The following PKHD1 variants were observed in gnomAD, a reference collection of about 807,000 sequenced individuals.
PKHD1 encodes the protein PKHD1 ciliary IPT domain containing fibrocystin/polyductin.
In PKHD1, 291 loss-of-function variants were observed where a neutral mutation model predicts 412.0. The observed-to-expected ratio is 0.71, with a 90% confidence interval of 0.64 to 0.78. PKHD1 has a LOEUF of 0.78. Ranked by LOEUF, PKHD1 falls within the 30% of genes least tolerant of loss-of-function variation. The probability of loss-of-function intolerance (pLI) is 0.00; values close to 1 mark genes in which losing one functional copy is unlikely to be tolerated. For missense variants in PKHD1, 4,825 were observed against 4,950.7 expected, an observed-to-expected ratio of 0.97 and a Z score of 0.76; for synonymous variants, 1,777 against 1,821.5, an observed-to-expected ratio of 0.98 and a Z score of 0.62.
intron 55 of PKHD1, among the ~76,000 whole-genome samples, chr6:51,771,901 C>T (rs1790206967): frequency 6.6e-6 from 1 of 152,046 alleles, no homozygotes; most frequent in African/African-American, 2.4e-5. Context: ...GAGGTGAATG[C>T]TAAGGCTAGA....
intron 35 of PKHD1, among the ~76,000 whole-genome samples, chr6:51,982,139 A>G (rs1410199443): frequency 9.8e-5 from 5 of 50,772 alleles, no homozygotes; most frequent in South Asian, 7.4e-4. Context: ...CCGTCTGGGA[A>G]GTGAGGAGCG....
intron 55 of PKHD1, among the ~76,000 whole-genome samples, chr6:51,755,264 G>A (rs1211160373): frequency 6.6e-6 from 1 of 152,110 alleles, no homozygotes; most frequent in Admixed American, 6.5e-5. Context: ...TCTGGATTAG[G>A]GAACAGATTC....
At chr6:51,832,979 A>G (rs1243008466) in intron 51 of PKHD1, among the ~76,000 whole-genome samples, 1 of 152,188 alleles carries the variant, frequency 6.6e-6, no homozygotes, top group Admixed American at 6.6e-5. Context: ...AATATTTCAT[A>G]AACTCCAATA....
chr6:51,727,564 A>G (rs1436329373), intron 60 of PKHD1, among the ~76,000 whole-genome samples: 6 of 152,120 alleles, frequency 3.9e-5, no homozygotes, highest in Non-Finnish European at 8.8e-5. Context: ...ACCCCTTCTC[A>G]TGATTCTTCC....
At position 51,942,098 on chromosome 6, in the gene PKHD1, T is replaced by C. The variant is rs149509569; in HGVS notation, c.5909-7776A>G. Reference sequence around the variant, plus strand: ...TTTTGCCATCCTAACAAAGCCATTATATAAGCTCACAAAAGGAAACCTAGC... The same window carrying C: ...TTTTGCCATCCTAACAAAGCCATTACATAAGCTCACAAAAGGAAACCTAGC... On this transcript the variant is annotated intron_variant, in intron 36 of 66. Coordinates refer to ENST00000371117, the MANE Select transcript of PKHD1 (RefSeq NM_138694.4). Among the ~76,000 whole-genome samples, 32 of 151,826 alleles carry C rather than the reference T, an allele frequency of 2.1e-4. 1 individual carries two copies. Among genetic ancestry groups the C allele is most frequent in the Admixed American group, 8.5e-4 (13 of 15,226 alleles).
intron 27 of PKHD1, among the ~76,000 whole-genome samples, chr6:52,039,653 G>A (rs2128176031): frequency 6.6e-6 from 1 of 152,306 alleles, no homozygotes; most frequent in Non-Finnish European, 1.5e-5. Context: ...TATATTGCTA[G>A]TAGGAATGTA....
chr6:51,913,796 T>C (rs1215777549), intron 37 of PKHD1, among the ~76,000 whole-genome samples: 1 of 152,130 alleles, frequency 6.6e-6, no homozygotes, highest in African/African-American at 2.4e-5. Context: ...GTCTCTGGGT[T>C]AATATTGTAA....
intron 60 of PKHD1, among the ~76,000 whole-genome samples, chr6:51,736,095 A>C (rs1198946763): frequency 6.6e-6 from 1 of 152,180 alleles, no homozygotes; most frequent in Non-Finnish European, 1.5e-5. Context: ...GCATTAAATG[A>C]GGTAACTCAT....
chr6:51,648,703 G>T (rs2784233), intron 62 of PKHD1, among the ~76,000 whole-genome samples: 1 of 152,178 alleles, frequency 6.6e-6, no homozygotes, highest in Non-Finnish European at 1.5e-5. Flanking sequence ...TTTAAAAAAC[G>T]TAAAACTGTA....
intron 29 of PKHD1, among the ~76,000 whole-genome samples, 165 bp from the exon 30 acceptor site, chr6:52,028,516 ACTAT>A (rs1014055167): frequency 4.5e-5 from 6 of 134,660 alleles, no homozygotes; most frequent in Non-Finnish European, 8.2e-5. Flanking sequence ...ACTTCTAACA[ACTAT>A]TTTTTTTTTT....
intron 46 of PKHD1, among the ~76,000 whole-genome samples, chr6:51,874,483 C>A (rs1438552770): frequency 1.3e-5 from 2 of 152,098 alleles, no homozygotes; most frequent in Admixed American, 1.3e-4. Flanking sequence ...AACACACGTA[C>A]AGGTATGCTT....
chr6:51,779,879 C>A (rs1562293855), intron 53 of PKHD1, among the ~76,000 whole-genome samples: 1 of 152,016 alleles, frequency 6.6e-6, no homozygotes, highest in East Asian at 1.9e-4. Flanking sequence ...ACTAGACCCA[C>A]AAAGAATGCG....
At chr6:51,925,110 T>C (rs1785318781) in intron 37 of PKHD1, among the ~76,000 whole-genome samples, 1 of 152,100 alleles carries the variant, frequency 6.6e-6, no homozygotes. Flanking sequence ...TCATACTTAC[T>C]CAGAGGAAGA....
intron 66 of PKHD1, among the ~76,000 whole-genome samples, chr6:51,619,964 T>C (rs1472408626): frequency 1.3e-5 from 2 of 152,222 alleles, no homozygotes; most frequent in East Asian, 3.9e-4. Context: ...ATCTTTGGTA[T>C]TATAAAAACA....
Position 51,975,963 on chromosome 6 carries a change from T to TGAAA in PKHD1, c.5752-15938_5752-15937insTTTC, listed in dbSNP as rs1231391714. The TGAAA allele has an allele frequency of 4.9e-4, 34 of 69,780 alleles. 2 individuals are homozygous for TGAAA. The highest frequency in any genetic ancestry group is 1.7e-3 in the African/African-American group (31 of 18,510). 4.3% of individuals were successfully genotyped at this position (69,780 alleles called of 1,614,324 possible). A position where few individuals can be genotyped will look rare whatever the true frequency, so the allele number is the denominator to read the frequency against. Reference sequence around the variant, plus strand: ...AACATAGCGAGACCCTTTCTCTAATTAAAAAAAAAAAAAAAAAAAAAAAAA... The same window carrying TGAAA: ...AACATAGCGAGACCCTTTCTCTAATTGAAAAAAAAAAAAAAAAAAAAAAAAAAAA... On this transcript the variant is annotated intron_variant, in intron 35 of 66. Transcript: ENST00000371117.
At chr6:51,670,275 T>A (rs891085229) in intron 60 of PKHD1, among the ~76,000 whole-genome samples, 4 of 152,210 alleles carry the variant, frequency 2.6e-5, no homozygotes, top group African/African-American at 9.7e-5. Context: ...CTCTTCTTGT[T>A]GAATTGATCC....
intron 35 of PKHD1, among the ~76,000 whole-genome samples, chr6:52,009,876 C>G (rs1026997090): frequency 2.0e-5 from 3 of 152,046 alleles, no homozygotes; most frequent in South Asian, 4.1e-4. Context: ...TCTGCTCCCC[C>G]ATGGCACAGA....
At chr6:51,873,965 A>AT (rs1381362343) in intron 46 of PKHD1, among the ~76,000 whole-genome samples, 1 of 152,226 alleles carries the variant, frequency 6.6e-6, no homozygotes, top group African/African-American at 2.4e-5. Context: ...GTGGAAGGTA[A>AT]TTGAAACCAC....
At chr6:51,886,383 T>G (rs146359300) in intron 44 of PKHD1, among the ~76,000 whole-genome samples, 170 of 152,216 alleles carry the variant, frequency 1.1e-3, no homozygotes, top group African/African-American at 4.0e-3. Context: ...AGCCAAGACA[T>G]AGAGGCAGCC....
Sources: allele counts gnomAD v4.1 joint callset (sites outside exome capture counted in the v4.1 genomes callset), GRCh38; gene constraint gnomAD v4.1.1; transcripts MANE v1.5; gene names NCBI Gene and HGNC (gene_info 2026-07-23, HGNC 2026-07-21).